Variants in NRXN1 observed in about 807,000 individuals in gnomAD.
NRXN1 encodes the protein neurexin 1.
NRXN1 carries 39 observed loss-of-function variants against 150.9 expected under a neutral mutation model. The ratio of observed to expected loss-of-function variants is 0.26; its 90% CI spans 0.20 to 0.34. The LOEUF (loss-of-function observed/expected upper bound fraction) is 0.34. NRXN1 is among the 10% of genes least tolerant of loss of function. NRXN1 has a pLI of 1.00. For synonymous variants in NRXN1, 924 were observed against 757.0 expected (o/e 1.22, Z -3.62); for missense variants, 1,815 against 1,949.9 (o/e 0.93, Z 1.30).
intron 18 of NRXN1, among the ~76,000 whole-genome samples, chr2:50,121,087 C>T (rs972385470): frequency 2.0e-5 from 3 of 152,174 alleles, no homozygotes; most frequent in East Asian, 1.9e-4. Context: ...TGCAGTGGCA[C>T]GATGTCAGCT....
chr2:50,935,331 C>T (rs1328126016), intron 2 of NRXN1, among the ~76,000 whole-genome samples: 1 of 152,128 alleles, frequency 6.6e-6, no homozygotes, highest in African/African-American at 2.4e-5. Context: ...GAGCAGTTCA[C>T]ACCTCTAGTT....
At chr2:50,064,074 G>C (rs1021437489) in intron 19 of NRXN1, among the ~76,000 whole-genome samples, 2 of 152,076 alleles carry the variant, frequency 1.3e-5, no homozygotes, top group Admixed American at 1.3e-4. Flanking sequence ...AAACGTTATA[G>C]TAAATTTTGC....
intron 8 of NRXN1, among the ~76,000 whole-genome samples, chr2:50,584,357 G>T (rs938099863): frequency 2.0e-5 from 3 of 152,030 alleles, no homozygotes; most frequent in Non-Finnish European, 4.4e-5. Context: ...GGTCAGTCTT[G>T]ATCAAATACT....
intron 5 of NRXN1, among the ~76,000 whole-genome samples, chr2:50,824,127 C>A (rs1308005720): frequency 6.6e-6 from 1 of 152,178 alleles, no homozygotes; most frequent in Middle Eastern, 3.4e-3. Flanking sequence ...TGCCACCAAA[C>A]TACATTTTTT....
At chr2:50,695,559 G>A (rs181104101) in intron 5 of NRXN1, among the ~76,000 whole-genome samples, 3 of 152,180 alleles carry the variant, frequency 2.0e-5, no homozygotes, top group African/African-American at 7.2e-5. Flanking sequence ...ATTTGACAAA[G>A]AGATTAGACT....
rs6757527 is a variant in NRXN1, at chr2:50,392,527, A to T, written c.3364+72915T>A. Among the ~76,000 whole-genome samples, 13 of 152,292 alleles carry T rather than the reference A, an allele frequency of 8.5e-5. 1 individual carries two copies. Among genetic ancestry groups the T allele is most frequent in the African/African-American group, 2.9e-4 (12 of 41,580 alleles). Reference sequence around the variant, plus strand: ...TGAAAAAGAGATGTCTTTTACAAAGATATGCAAATATTAAATATCATAAAT... The same window carrying T: ...TGAAAAAGAGATGTCTTTTACAAAGTTATGCAAATATTAAATATCATAAAT... On this transcript the variant is annotated intron_variant, in intron 17 of 22. Coordinates refer to ENST00000401669, the MANE Select transcript of NRXN1 (RefSeq NM_001330078.2).
chr2:50,890,511 C>T (rs1333548594), intron 5 of NRXN1, among the ~76,000 whole-genome samples: 3 of 151,392 alleles, frequency 2.0e-5, no homozygotes, highest in Admixed American at 6.6e-5. Context: ...TAATGTGAAT[C>T]GTTAGTTTTG....
intron 2 of NRXN1, among the ~76,000 whole-genome samples, chr2:50,996,801 A>G (rs1037248985): frequency 6.6e-6 from 1 of 152,028 alleles, no homozygotes. Flanking sequence ...CTACTATTGT[A>G]GAAGATGGAA....
intron 10 of NRXN1, among the ~76,000 whole-genome samples, chr2:50,537,655 T>C (rs938737317): frequency 1.3e-5 from 2 of 152,218 alleles, no homozygotes; most frequent in African/African-American, 4.8e-5. Flanking sequence ...TGCAGTTGGT[T>C]AGGTCCTAGC....
chr2:50,833,977 C>A (rs186529546), intron 5 of NRXN1, among the ~76,000 whole-genome samples: 4 of 151,844 alleles, frequency 2.6e-5, no homozygotes, highest in Admixed American at 2.0e-4. Context: ...TACATAAAAA[C>A]AAATTTAAGA....
intron 17 of NRXN1, among the ~76,000 whole-genome samples, chr2:50,352,988 C>G (rs747549343): frequency 1.7e-4 from 26 of 151,904 alleles, no homozygotes; most frequent in Non-Finnish European, 2.9e-4. Flanking sequence ...GTCAACTTAG[C>G]TATTACCTAG....
At chr2:50,305,006 C>A (rs946094000) in intron 17 of NRXN1, among the ~76,000 whole-genome samples, 3 of 152,040 alleles carry the variant, frequency 2.0e-5, no homozygotes, top group Admixed American at 6.6e-5. Flanking sequence ...AGGGGAATTG[C>A]TTGAACGTGG....
At chr2:50,053,673 G>T in intron 20 of NRXN1, 83 bp from the exon 21 acceptor site, 2 of 1,373,752 alleles carry the variant, frequency 1.5e-6, no homozygotes, top group Non-Finnish European at 2.1e-6. Context: ...GATCTTTTAT[G>T]GGGTGAATAA....
intron 21 of NRXN1, among the ~76,000 whole-genome samples, chr2:49,958,091 A>G (rs905429441): frequency 1.3e-5 from 2 of 152,170 alleles, no homozygotes; most frequent in Admixed American, 1.3e-4. Context: ...TGCAAAGCCC[A>G]GTAAAATCCA....
intron 2 of NRXN1, among the ~76,000 whole-genome samples, chr2:50,975,432 C>G (rs1275848049): frequency 6.6e-6 from 1 of 152,026 alleles, no homozygotes; most frequent in Non-Finnish European, 1.5e-5. Context: ...CCATACTTTT[C>G]TATTCTCTGC....
At chr2:50,763,126 T>C (rs1287890336) in intron 5 of NRXN1, among the ~76,000 whole-genome samples, 2 of 152,000 alleles carry the variant, frequency 1.3e-5, no homozygotes, top group Non-Finnish European at 2.9e-5. Flanking sequence ...ACCACAGTCC[T>C]ATCTCAATCT....
chr2:50,303,459 G>A (rs980962109), intron 17 of NRXN1, among the ~76,000 whole-genome samples: 5 of 152,026 alleles, frequency 3.3e-5, no homozygotes, highest in South Asian at 2.1e-4. Context: ...CTCTTCTTTG[G>A]CTTTATAGTC....
intron 21 of NRXN1, among the ~76,000 whole-genome samples, chr2:49,964,709 CGGG>C (rs1478436376): frequency 7.3e-5 from 11 of 151,582 alleles, no homozygotes; most frequent in East Asian, 3.9e-4. Flanking sequence ...GACATGGTGG[CGGG>C]CACCTGTAAT....
chr2:50,461,392 A>C (rs1191213584), intron 17 of NRXN1, among the ~76,000 whole-genome samples: 1 of 151,974 alleles, frequency 6.6e-6, no homozygotes, highest in Non-Finnish European at 1.5e-5. Flanking sequence ...TTTGGCATAC[A>C]ACATTTCTAT....
Sources: gnomAD v4.1 joint callset for allele counts (sites outside exome capture counted in the v4.1 genomes callset) on GRCh38, gnomAD v4.1.1 for gene constraint, MANE v1.5 for transcripts, NCBI Gene and HGNC (gene_info 2026-07-23, HGNC 2026-07-21) for gene names.